The following KBTBD11 variants were observed in gnomAD, a reference collection of about 807,000 sequenced individuals.
The protein encoded by KBTBD11 is kelch repeat and BTB domain-containing protein 11.
For missense variants in KBTBD11, 1,390 were observed against 1,001.8 expected (o/e 1.39, Z -5.23); for synonymous variants, 747 against 499.0 (o/e 1.50, Z -6.63).
intron 1 of KBTBD11, among the ~76,000 whole-genome samples, chr8:1,999,311 A>G (rs1471344783): frequency 2.0e-5 from 3 of 152,192 alleles, no homozygotes; most frequent in East Asian, 1.9e-4. Context: ...AATAAGTAGA[A>G]CTTTAGAAGA....
In KBTBD11 at chr8:2,003,109, G is replaced by T; in HGVS notation, c.*45G>T. Reference sequence around the variant, plus strand: ...GTCTCCCTCGGCAGGGGTTTGCGGGGCCCAGGTCCCTTTGGGCCCGCGGAG... The same window carrying T: ...GTCTCCCTCGGCAGGGGTTTGCGGGTCCCAGGTCCCTTTGGGCCCGCGGAG... On this transcript the variant is annotated 3_prime_UTR_variant, in exon 2 of 2. Coordinates refer to ENST00000320248, the MANE Select transcript of KBTBD11 (RefSeq NM_014867.3). 1 of 1,254,808 alleles carries T rather than the reference G, an allele frequency of 8.0e-7. No homozygotes were observed. Among genetic ancestry groups the T allele is most frequent in the Non-Finnish European group, 1.0e-6 (1 of 993,930 alleles). The allele number at this position is 1,254,808 out of a possible 1,614,324, so 77.7% of individuals were successfully genotyped here.
At chr8:1,985,874 A>G (rs1443958131) in intron 1 of KBTBD11, among the ~76,000 whole-genome samples, 3 of 152,262 alleles carry the variant, frequency 2.0e-5, no homozygotes, top group East Asian at 1.9e-4. Context: ...AAGAGTTTGT[A>G]AAGAACGAAT....
At chr8:1,991,640 C>CA (rs1198720788) in intron 1 of KBTBD11, among the ~76,000 whole-genome samples, 1 of 152,084 alleles carries the variant, frequency 6.6e-6, no homozygotes, top group Non-Finnish European at 1.5e-5. Context: ...CAGAAGAGCT[C>CA]AGGGTATCTT....
At chr8:1,997,572 G>C (rs1001057374) in intron 1 of KBTBD11, among the ~76,000 whole-genome samples, 1 of 152,352 alleles carries the variant, frequency 6.6e-6, no homozygotes, top group East Asian at 1.9e-4. Flanking sequence ...CTCCCGGAAG[G>C]GCTGCCCAGA....
Position 2,005,109 on chromosome 8 carries a change from G to C in KBTBD11, c.*2045G>C, listed in dbSNP as rs1318488183. The C allele has an allele frequency of 2.4e-5, 4 of 167,098 alleles. No individual in the cohort carries two copies. The highest frequency in any genetic ancestry group is 5.9e-5 in the Non-Finnish European group (4 of 68,132). 10.4% of individuals were successfully genotyped at this position (167,098 alleles called of 1,614,324 possible). A position where few individuals can be genotyped will look rare whatever the true frequency, so the allele number is the denominator to read the frequency against. On this transcript the variant is annotated 3_prime_UTR_variant, in exon 2 of 2. Transcript: ENST00000320248. ...AGGATATGAGAAGTGGTGGATGTTG[G>C]ATGGGGGTGGTTGCACAGTCCTGTG...
At chr8:1,988,870 C>A (rs1816785562) in intron 1 of KBTBD11, among the ~76,000 whole-genome samples, 1 of 149,736 alleles carries the variant, frequency 6.7e-6, no homozygotes, top group South Asian at 2.1e-4. Context: ...AATTAATTAT[C>A]ATTATTAACA....
In KBTBD11 at chr8:2,004,873, C is replaced by G. The variant is rs1817524725; in HGVS notation, c.*1809C>G. ...TTCATTTTAAGCAATGTACCATTCA[C>G]ACTGTCCTGCCTTTTCCTCTAGAAT... On this transcript the variant is annotated 3_prime_UTR_variant, in exon 2 of 2. Coordinates refer to ENST00000320248, the MANE Select transcript of KBTBD11 (RefSeq NM_014867.3). 6.0e-6 allele frequency: 1 copy of G among 167,084 alleles called. No individual in the cohort carries two copies. The highest frequency in any genetic ancestry group is 1.5e-5 in the Non-Finnish European group (1 of 68,130). The allele number at this position is 167,084 out of a possible 1,614,324, so 10.4% of individuals were successfully genotyped here. A position where few individuals can be genotyped will look rare whatever the true frequency, so the allele number is the denominator to read the frequency against.
chr8:2,000,242 C>T (rs1323715806), intron 1 of KBTBD11, 43 bp from the exon 2 acceptor site: 2 of 152,216 alleles, frequency 1.3e-5, no homozygotes, highest in East Asian at 3.8e-4. Context: ...AATAACCTTA[C>T]TGAAAAACGC....
chr8:1,984,579 G>A (rs7823016), intron 1 of KBTBD11, among the ~76,000 whole-genome samples: 2,587 of 152,088 alleles, frequency 0.017, 85 homozygotes, highest in African/African-American at 0.06. Flanking sequence ...GAGCCTCCAC[G>A]CGTGGCCCCG....
intron 1 of KBTBD11, chr8:1,974,283 G>C: frequency 1.0e-6 from 1 of 983,130 alleles, no homozygotes; most frequent in Non-Finnish European, 1.2e-6. Flanking sequence ...CCCGGGACGC[G>C]GCAACCCCGG....
chr8:1,975,478 G>C (rs7388076), intron 1 of KBTBD11, among the ~76,000 whole-genome samples: 1 of 152,064 alleles, frequency 6.6e-6, no homozygotes, highest in Non-Finnish European at 1.5e-5. Context: ...AATTGCCTGC[G>C]GTATTGTGCA....
chr8:2,001,025 T>G lies in KBTBD11; in HGVS notation c.-168T>G. 8 of 910,306 alleles carry G rather than the reference T, an allele frequency of 8.8e-6. No individual in the cohort carries two copies. The highest frequency in any genetic ancestry group is 1.1e-5 in the Non-Finnish European group (8 of 699,748). The allele number at this position is 910,306 out of a possible 1,614,324, so 56.4% of individuals were successfully genotyped here. ...GAGGCGGGGGAGCAGCGTGTGAGAT[T>G]CCCCCCTTCACACACACAACAACAA... On this transcript the variant is annotated 5_prime_UTR_variant, in exon 2 of 2. In the 5' UTR this introduces an upstream ATG that the reference lacks. Coordinates refer to ENST00000320248, the MANE Select transcript of KBTBD11 (RefSeq NM_014867.3).
In KBTBD11 at chr8:1,997,012, G is replaced by A. The variant is rs186099592; in HGVS notation, c.-908-3273G>A. On this transcript the variant is annotated intron_variant, in intron 1 of 1. Coordinates refer to ENST00000320248, the MANE Select transcript of KBTBD11 (RefSeq NM_014867.3). ...TGGTCACTCCCTGTCTCCCCCGCGCGCCCCCCGTGCCTTCCATGGAAACTG... is the reference window on the plus strand; with the variant it reads ...TGGTCACTCCCTGTCTCCCCCGCGCACCCCCCGTGCCTTCCATGGAAACTG... 8.6e-4 allele frequency among the ~76,000 whole-genome samples: 131 copies of A among 152,070 alleles called. 1 individual carries two copies. Among genetic ancestry groups the A allele is most frequent in the African/African-American group, 2.9e-3 (119 of 41,456 alleles).
intron 1 of KBTBD11, among the ~76,000 whole-genome samples, chr8:1,990,108 A>G (rs971253873): frequency 1.3e-5 from 2 of 152,204 alleles, no homozygotes; most frequent in Non-Finnish European, 2.9e-5. Context: ...ACGCTGGTAG[A>G]TCTGCCTGTC....
chr8:1,980,047 A>G (rs111906434), intron 1 of KBTBD11, among the ~76,000 whole-genome samples: 16 of 152,124 alleles, frequency 1.1e-4, no homozygotes, highest in African/African-American at 2.4e-4. Flanking sequence ...CATCTGTACA[A>G]TTACCTGAAA....
intron 1 of KBTBD11, among the ~76,000 whole-genome samples, chr8:1,980,639 G>C (rs976468642): frequency 8.5e-5 from 13 of 152,228 alleles, no homozygotes; most frequent in African/African-American, 2.9e-4. Context: ...GCATGGCCGG[G>C]TTGTGGTTTG....
Position 1,973,947 on chromosome 8 carries a change from C to A in KBTBD11, c.-909+12C>A, listed in dbSNP as rs1451084684. ...GGAGCCGCGGCGAGGTAGGGCGGAC[C>A]CCGGGGAGGCAGCGGCGGGGCCTGG... On this transcript the variant is annotated intron_variant, in intron 1 of 1. Coordinates refer to ENST00000320248, the MANE Select transcript of KBTBD11 (RefSeq NM_014867.3). The A allele has an allele frequency of 7.1e-6, 7 of 982,788 alleles. No homozygotes were observed. The highest frequency in any genetic ancestry group is 1.2e-4 in the Admixed American group (2 of 16,104). 60.9% of individuals were successfully genotyped at this position (982,788 alleles called of 1,614,324 possible).
At chr8:1,989,221 G>A (rs1386155270) in intron 1 of KBTBD11, among the ~76,000 whole-genome samples, 2 of 152,184 alleles carry the variant, frequency 1.3e-5, no homozygotes, top group East Asian at 1.9e-4. Context: ...CTATTTCAAC[G>A]TGTTCTCAGT....
rs1052141165 is a variant in KBTBD11, at chr8:2,003,288, C to T, written c.*224C>T. The T allele has an allele frequency of 8.7e-6, 5 of 572,194 alleles. No individual in the cohort carries two copies. Among genetic ancestry groups the T allele is most frequent in the Non-Finnish European group, 1.3e-5 (5 of 379,870 alleles). 35.4% of individuals were successfully genotyped at this position (572,194 alleles called of 1,614,324 possible). ...GATGCCTTGAGACCCAGGAGGTGTG[C>T]GGATGGGTCCCTTGACAGACAGGAC... On this transcript the variant is annotated 3_prime_UTR_variant, in exon 2 of 2. Coordinates refer to ENST00000320248, the MANE Select transcript of KBTBD11 (RefSeq NM_014867.3).
Sources: allele counts gnomAD v4.1 joint callset (sites outside exome capture counted in the v4.1 genomes callset), GRCh38; gene constraint gnomAD v4.1.1; transcripts MANE v1.5; gene names NCBI Gene and HGNC (gene_info 2026-07-23, HGNC 2026-07-21).